The following UBE2D3 variants were observed in gnomAD, a reference collection of about 807,000 sequenced individuals.
UBE2D3 encodes ubiquitin-conjugating enzyme E2 D3.
In UBE2D3, 2 loss-of-function variants were observed where a neutral mutation model predicts 22.8. The observed-to-expected ratio is 0.09, with a 90% CI of 0.04 to 0.28. UBE2D3 has a LOEUF of 0.28. Ranked by LOEUF, UBE2D3 falls within the 10% of genes least tolerant of loss-of-function variation. UBE2D3 has a pLI of 1.00. For missense variants in UBE2D3, 27 were observed against 182.5 expected (o/e 0.15, Z 4.91); for synonymous variants, 56 against 60.4 (o/e 0.93, Z 0.34).
chr4:102,852,265 C>T (rs984869861), intron 1 of UBE2D3, among the ~76,000 whole-genome samples: 3 of 152,146 alleles, frequency 2.0e-5, no homozygotes, highest in African/African-American at 7.2e-5. Flanking sequence ...TACCTAATAT[C>T]CAGAGCTGCT....
At chr4:102,799,582 C>A in intron 6 of UBE2D3, 82 bp from the exon 7 acceptor site, 1 of 994,656 alleles carries the variant, frequency 1.0e-6, no homozygotes, top group South Asian at 1.6e-5. Context: ...TTACAAAACT[C>A]AATCCTCAAA....
chr4:102,861,132 C>A (rs984899599), intron 1 of UBE2D3, among the ~76,000 whole-genome samples: 5 of 152,032 alleles, frequency 3.3e-5, no homozygotes, highest in Non-Finnish European at 7.4e-5. Flanking sequence ...TTGACTCTTA[C>A]TTTCCTTCCT....
At chr4:102,863,908 T>C (rs1733021331) in intron 1 of UBE2D3, among the ~76,000 whole-genome samples, 1 of 152,216 alleles carries the variant, frequency 6.6e-6, no homozygotes, top group Admixed American at 6.5e-5. Flanking sequence ...CAATCTTACA[T>C]ACTCAATAGC....
In UBE2D3 at chr4:102,827,489, C is replaced by G. The variant is rs1019041115; in HGVS notation, c.-191G>C. On this transcript the variant is annotated 5_prime_UTR_variant, in exon 1 of 8. Transcript: ENST00000453744. ...CTCCTCCCCGCGCGGCAGCTGGTGC[C>G]TCCCCGGCCCTACGGGGCTCACGCG... The G allele has an allele frequency of 4.0e-5, 39 of 986,120 alleles. No homozygotes were observed. The highest frequency in any genetic ancestry group is 4.7e-5 in the Non-Finnish European group (39 of 830,214). The allele number at this position is 986,120 out of a possible 1,614,324, so 61.1% of individuals were successfully genotyped here.
chr4:102,826,398 T>C (rs1315953555), intron 2 of UBE2D3, 87 bp downstream of exon 2: 6 of 1,527,396 alleles, frequency 3.9e-6, no homozygotes, highest in Middle Eastern at 1.7e-4. Flanking sequence ...TTTTCAGAAT[T>C]ATGCTTCCTT....
chr4:102,842,577 C>T (rs763530237), intron 1 of UBE2D3, among the ~76,000 whole-genome samples: 9 of 151,778 alleles, frequency 5.9e-5, no homozygotes, highest in Non-Finnish European at 1.3e-4. Context: ...TCGAGTTTCA[C>T]TTCTGATAAT....
intron 1 of UBE2D3, among the ~76,000 whole-genome samples, chr4:102,845,023 A>T (rs1731968684): frequency 3.5e-5 from 1 of 28,618 alleles, no homozygotes; most frequent in African/African-American, 5.7e-4. Flanking sequence ...CTCCATCTCA[A>T]AAAAAAAAAA....
At chr4:102,802,829 TA>T (rs1726414838) in intron 4 of UBE2D3, 191 bp from the exon 5 acceptor site, 1 of 387,968 alleles carries the variant, frequency 2.6e-6, no homozygotes, top group Non-Finnish European at 4.6e-6. Context: ...TAATAAACCC[TA>T]ATTTATCTAG....
chr4:102,806,162 C>T (rs192189287), intron 4 of UBE2D3, among the ~76,000 whole-genome samples: 12 of 152,238 alleles, frequency 7.9e-5, no homozygotes, highest in South Asian at 6.2e-4. Context: ...TAAGTACATA[C>T]GGTGCTTTAT....
At chr4:102,858,499 G>A (rs1732731757) in intron 1 of UBE2D3, among the ~76,000 whole-genome samples, 2 of 151,906 alleles carry the variant, frequency 1.3e-5, no homozygotes, top group East Asian at 1.9e-4. Context: ...ACAAGAAATA[G>A]GTTTGGCATC....
chr4:102,801,526 T>C lies in UBE2D3; in HGVS notation c.232A>G (p.Ile78Val), dbSNP rs1726151142. 6.2e-7 allele frequency: 1 copy of C among 1,609,224 alleles called. No individual in the cohort carries two copies. The highest frequency in any genetic ancestry group is 8.5e-7 in the Non-Finnish European group (1 of 1,178,080). ...AGACAAATGCTGCCATTACTGTTAA[T>C]ATTTGGATGATAAATTCTTGTTGTA... is the stretch of plus-strand genomic sequence containing the variant. The part of the protein sequence containing the change: ...AFTTRIYHPN[I>V]NSNGSICLDI... The change falls in exon 6 of 8, where the codon ATT (isoleucine) becomes GTT (valine). Residue 78 changes from isoleucine (I) to valine (V), a missense_variant. Coordinates refer to ENST00000453744, the MANE Select transcript of UBE2D3 (RefSeq NM_181891.3).
rs1198669165 is a variant in UBE2D3, at chr4:102,799,868, ACACT to A, written c.305-372_305-369del. On this transcript the variant is annotated intron_variant, in intron 6 of 7. Coordinates refer to ENST00000453744, the MANE Select transcript of UBE2D3 (RefSeq NM_181891.3). ...GGACTTTAGCAAGAATATGCAGGTA[ACACT>A]CATGCCATATTCATAGCCATTAGGC... Among the ~76,000 whole-genome samples the A allele has an allele frequency of 7.3e-5, 11 of 151,328 alleles. No individual in the cohort carries two copies. In the East Asian group the frequency reaches 2.1e-3, roughly 29 times the overall value.
At chr4:102,847,967 T>A (rs1560888958) in intron 1 of UBE2D3, among the ~76,000 whole-genome samples, 2 of 152,024 alleles carry the variant, frequency 1.3e-5, no homozygotes, top group Admixed American at 1.3e-4. Context: ...TAGCGTTCCA[T>A]TATTGGAACG....
intron 1 of UBE2D3, among the ~76,000 whole-genome samples, chr4:102,848,461 G>A (rs1732160127): frequency 6.6e-6 from 1 of 152,142 alleles, no homozygotes. Flanking sequence ...CCTCGCCAAC[G>A]TGGTGAAACT....
At chr4:102,848,670 T>TA (rs1340689981) in intron 1 of UBE2D3, among the ~76,000 whole-genome samples, 1 of 151,566 alleles carries the variant, frequency 6.6e-6, no homozygotes, top group East Asian at 1.9e-4. Flanking sequence ...AATAAATAAA[T>TA]AGGCTGGGTA....
In UBE2D3 at chr4:102,826,594, C is replaced by A. The variant is rs1307774038; in HGVS notation, c.-86G>T. 5 of 1,602,382 alleles carry A rather than the reference C, an allele frequency of 3.1e-6. No homozygotes were observed. The highest frequency in any genetic ancestry group is 1.3e-5 in the African/African-American group (1 of 74,772). On this transcript the variant is annotated 5_prime_UTR_variant, in exon 2 of 8. Coordinates refer to ENST00000453744, the MANE Select transcript of UBE2D3 (RefSeq NM_181891.3). ...ACTCTTGATTATCCCGGCGGCGGGGCAGGATTGTCTCGTCTCACACCAGCT... is the reference window on the plus strand; with the variant it reads ...ACTCTTGATTATCCCGGCGGCGGGGAAGGATTGTCTCGTCTCACACCAGCT...
chr4:102,827,023 GGCT>G (rs1008026382), intron 1 of UBE2D3: 2 of 993,646 alleles, frequency 2.0e-6, no homozygotes, highest in African/African-American at 3.5e-5. Context: ...ACGGACGCCG[GGCT>G]GCTTTCGGTT....
chr4:102,839,958 G>A (rs1731650335), intron 1 of UBE2D3, among the ~76,000 whole-genome samples: 1 of 152,184 alleles, frequency 6.6e-6, no homozygotes, highest in Non-Finnish European at 1.5e-5. Flanking sequence ...CCCATTAAAA[G>A]TGGTCAAGCG....
At chr4:102,798,295 T>TATATATATATATATATATATATGC (rs796347600) in intron 7 of UBE2D3, among the ~76,000 whole-genome samples, 1 of 147,950 alleles carries the variant, frequency 6.8e-6, no homozygotes, top group Admixed American at 6.8e-5. Flanking sequence ...TATATATATA[T>TATATATATATATATATATATATGC]ATGCACAGGA....
Sources: gnomAD v4.1 joint callset for allele counts (sites outside exome capture counted in the v4.1 genomes callset) on GRCh38, gnomAD v4.1.1 for gene constraint, MANE v1.5 for transcripts, NCBI Gene and HGNC (gene_info 2026-07-23, HGNC 2026-07-21) for gene names.